Variants in MB21D2 observed in about 807,000 individuals in gnomAD.
The protein encoded by MB21D2 is nucleotidyltransferase MB21D2.
MB21D2 carries 9 observed loss-of-function variants against 33.3 expected under a neutral mutation model. The observed-to-expected ratio is 0.27, with a 90% CI of 0.16 to 0.47. The LOEUF is 0.47. MB21D2 is among the 20% of genes least tolerant of loss of function. The probability of loss-of-function intolerance (pLI) is 0.99; values close to 1 mark genes in which losing one functional copy is unlikely to be tolerated. For missense variants in MB21D2, 540 were observed against 624.6 expected (o/e 0.86, Z 1.44); for synonymous variants, 241 against 236.3 (o/e 1.02, Z -0.18).
intron 1 of MB21D2, among the ~76,000 whole-genome samples, chr3:192,863,272 TCCAGACTC>T (rs1713089232): frequency 6.6e-6 from 1 of 152,160 alleles, no homozygotes; most frequent in Admixed American, 6.5e-5. Flanking sequence ...AGTTCAGACT[TCCAGACTC>T]CAGAACTGTG....
chr3:192,847,143 C>T (rs571646514), intron 1 of MB21D2, among the ~76,000 whole-genome samples: 2 of 152,282 alleles, frequency 1.3e-5, no homozygotes, highest in African/African-American at 4.8e-5. Flanking sequence ...ATTAATCCCC[C>T]AGACACTCAC....
At chr3:192,910,383 T>C (rs1714328271) in intron 1 of MB21D2, among the ~76,000 whole-genome samples, 1 of 150,998 alleles carries the variant, frequency 6.6e-6, no homozygotes, top group Non-Finnish European at 1.5e-5. Flanking sequence ...GATGCTGAGG[T>C]AGGAGGATCG....
Position 192,824,557 on chromosome 3 carries a change from T to C in MB21D2, c.212-24907A>G, listed in dbSNP as rs1483346353. The stretch of plus-strand genomic sequence containing the variant: ...GTTTCTGGACATCAATTGCCTTGTG[T>C]GAAATGATTAGTATCAAAAACCTTT... On this transcript the variant is annotated intron_variant, in intron 1 of 1. Transcript: ENST00000392452. Among the ~76,000 whole-genome samples, 3 of 152,092 alleles carry C rather than the reference T, an allele frequency of 2.0e-5. No individual in the cohort carries two copies. In the East Asian group the frequency reaches 5.8e-4, roughly 29 times the overall value.
At position 192,799,091 on chromosome 3, in the gene MB21D2, A is replaced by G. The variant is rs768430454; in HGVS notation, c.771T>C (p.Phe257=). 1.4e-5 allele frequency: 22 copies of G among 1,613,952 alleles called. No individual in the cohort carries two copies. The highest frequency in any genetic ancestry group is 1.9e-5 in the Non-Finnish European group (22 of 1,180,002). ...VAQSWLMENH[F]WDGKITEEEV... ...CTTCCTCAGTAATCTTCCCATCCCA[A>G]AAGTGGTTCTCCATGAGCCAGCTCT... is the stretch of plus-strand genomic sequence containing the variant. The change falls in exon 2 of 2, where the codon TTT becomes TTC. Residue 257 remains phenylalanine, a synonymous_variant. Transcript: ENST00000392452. The surrounding 1 kb of genome is among the most constrained non-coding windows in gnomAD (Gnocchi z 4.1).
chr3:192,842,805 C>T (rs1269541573), intron 1 of MB21D2, among the ~76,000 whole-genome samples: 1 of 152,096 alleles, frequency 6.6e-6, no homozygotes, highest in East Asian at 1.9e-4. Flanking sequence ...GAAGTGGACA[C>T]GGTCCAATTA....
At chr3:192,889,390 C>G (rs1455404122) in intron 1 of MB21D2, among the ~76,000 whole-genome samples, 4 of 152,070 alleles carry the variant, frequency 2.6e-5, no homozygotes, top group African/African-American at 7.3e-5. Context: ...GAGCTCTTGG[C>G]AGAAAAGAAT....
At chr3:192,816,494 C>G (rs1711927470) in intron 1 of MB21D2, among the ~76,000 whole-genome samples, 1 of 152,096 alleles carries the variant, frequency 6.6e-6, no homozygotes, top group African/African-American at 2.4e-5. Context: ...TCTTTAGTTG[C>G]TGGACTGGCT....
intron 1 of MB21D2, among the ~76,000 whole-genome samples, chr3:192,834,098 T>C (rs775650870): frequency 6.6e-6 from 1 of 151,988 alleles, no homozygotes; most frequent in African/African-American, 2.4e-5. Context: ...CTCTGCCAAT[T>C]TGTGTGAATG....
rs773690829 is a variant in MB21D2 at position 192,798,749 on chromosome 3, G to A, written c.1113C>T (p.Asn371=). The change falls in exon 2 of 2, where the codon AAC becomes AAT. Residue 371 remains asparagine, a synonymous_variant. Coordinates refer to ENST00000392452, the MANE Select transcript of MB21D2 (RefSeq NM_178496.4). The surrounding 1 kb of genome is among the most constrained non-coding windows in gnomAD (Gnocchi z 4.8). ...GGATGAAATAATTGGGGCACATCTT[G>A]TTGACCAGACAGTGTTGCAGGTCAT... ...LIDDLQHCLV[N]KMCPNYFIPQ... 1.2e-6 allele frequency: 2 copies of A among 1,613,286 alleles called. No individual in the cohort carries two copies. Among genetic ancestry groups the A allele is most frequent in the Non-Finnish European group, 1.7e-6 (2 of 1,180,038 alleles).
intron 1 of MB21D2, among the ~76,000 whole-genome samples, chr3:192,840,958 T>C (rs1221556538): frequency 6.6e-6 from 1 of 152,222 alleles, no homozygotes; most frequent in Non-Finnish European, 1.5e-5. Flanking sequence ...AAAATCAGCA[T>C]ACCATTTGTA....
intron 1 of MB21D2, among the ~76,000 whole-genome samples, chr3:192,904,457 G>C (rs1714164928): frequency 6.6e-6 from 1 of 152,106 alleles, no homozygotes; most frequent in Non-Finnish European, 1.5e-5. Flanking sequence ...TTAAAATCTG[G>C]AGATTTTTCA....
chr3:192,878,324 G>A (rs1713485977), intron 1 of MB21D2, among the ~76,000 whole-genome samples: 1 of 152,038 alleles, frequency 6.6e-6, no homozygotes. Flanking sequence ...CAAATTCAGT[G>A]GCAGGACTAA....
At chr3:192,807,609 G>A (rs1711691382) in intron 1 of MB21D2, among the ~76,000 whole-genome samples, 1 of 152,086 alleles carries the variant, frequency 6.6e-6, no homozygotes, top group Non-Finnish European at 1.5e-5. Context: ...TGTTTAATTG[G>A]GGAGGAGAAG....
intron 1 of MB21D2, among the ~76,000 whole-genome samples, chr3:192,899,821 G>GTGTGTGGTAGTGTGGCTGACTGAACTCA (rs1714055150): frequency 6.6e-6 from 1 of 150,446 alleles, no homozygotes; most frequent in Non-Finnish European, 1.5e-5. Flanking sequence ...TGGGCACCTC[G>GTGTGTGGTAGTGTGGCTGACTGAACTCA]TGTGTGGTAG....
chr3:192,805,386 T>A (rs924766151), intron 1 of MB21D2, among the ~76,000 whole-genome samples: 5 of 152,234 alleles, frequency 3.3e-5, no homozygotes, highest in Non-Finnish European at 7.3e-5. Flanking sequence ...GAGTTATTAG[T>A]ACTCACAATT....
intron 1 of MB21D2, among the ~76,000 whole-genome samples, chr3:192,858,956 AC>A (rs1460746035): frequency 6.6e-6 from 1 of 152,180 alleles, no homozygotes; most frequent in East Asian, 1.9e-4. Flanking sequence ...AAATGGAAAA[AC>A]CTTGGCTCCA....
At chr3:192,838,427 A>C (rs978424830) in intron 1 of MB21D2, among the ~76,000 whole-genome samples, 56 of 126,634 alleles carry the variant, frequency 4.4e-4, no homozygotes, top group African/African-American at 1.7e-3. Context: ...TAATCTGTGG[A>C]CTTTTTTTTT....
chr3:192,858,423 A>G (rs1712967074), intron 1 of MB21D2, among the ~76,000 whole-genome samples: 1 of 152,216 alleles, frequency 6.6e-6, no homozygotes. Flanking sequence ...AAAATATAAC[A>G]TCATATTATA....
intron 1 of MB21D2, among the ~76,000 whole-genome samples, chr3:192,804,426 T>C (rs1711619574): frequency 6.8e-6 from 1 of 147,060 alleles, no homozygotes. Flanking sequence ...TTAAAACAGA[T>C]ACACACACAC....
Sources: allele counts gnomAD v4.1 joint callset (sites outside exome capture counted in the v4.1 genomes callset), GRCh38; gene constraint gnomAD v4.1.1; non-coding constraint Gnocchi (gnomAD v3.1); transcripts MANE v1.5; gene names NCBI Gene and HGNC (gene_info 2026-07-23, HGNC 2026-07-21).